TRIOBP: variants seen among roughly 807,000 people sequenced by gnomAD.
TRIOBP encodes TRIO and F-actin binding protein.
TRIOBP carries 169 observed loss-of-function variants against 238.8 expected under a neutral mutation model. The ratio of observed to expected loss-of-function variants is 0.71; its 90% CI spans 0.62 to 0.80. The LOEUF (loss-of-function observed/expected upper bound fraction) is 0.80. Among genes scored for constraint, TRIOBP ranks in the 30% least tolerant of loss-of-function variants. TRIOBP has a pLI of 0.00. For missense variants in TRIOBP, 2,838 were observed against 3,122.6 expected (o/e 0.91, Z 2.17); for synonymous variants, 1,150 against 1,274.4 (o/e 0.90, Z 2.08).
intron 11 of TRIOBP, among the ~76,000 whole-genome samples, chr22:37,742,442 T>C (rs556613001): frequency 6.6e-6 from 1 of 151,918 alleles, no homozygotes; most frequent in Non-Finnish European, 1.5e-5. Context: ...TTTATATTTT[T>C]AGTAGAGATG....
chr22:37,710,633 A>G (rs1222542710), intron 4 of TRIOBP, 67 bp downstream of exon 4: 2 of 1,546,656 alleles, frequency 1.3e-6, no homozygotes, highest in Admixed American at 1.9e-5. Flanking sequence ...TCCCATTTGC[A>G]CTCCTTCCCC....
Position 37,757,816 on chromosome 22 carries a change from G to A in TRIOBP, c.5891G>A (p.Arg1964His), listed in dbSNP as rs534138620. The A allele has an allele frequency of 3.3e-5, 51 of 1,548,188 alleles. No individual in the cohort carries two copies. The highest frequency in any genetic ancestry group is 3.9e-5 in the Non-Finnish European group (45 of 1,145,474). Residue 1964 changes from arginine to histidine, a missense_variant, in exon 16 of 24, where the codon CGC becomes CAC. Arg to His is a conservative substitution (Grantham distance 29). This residue lies in a region of TRIOBP where 2,096 missense variants were observed against 2,137.4 expected (regional missense o/e 0.98). Transcript: ENST00000644935. ...ASPQRARTPARTPDRLAKQEE... is the reference protein window; with the variant it reads ...ASPQRARTPAHTPDRLAKQEE... The stretch of plus-strand genomic sequence containing the variant: ...CCGCAGCGGGCCCGCACCCCAGCCC[G>A]CACTCCTGACCGCCTGGCCAAGCAG...
rs753851434 is a variant in TRIOBP at position 37,725,368 on chromosome 22, G to A, written c.2812G>A (p.Ala938Thr). 87 of 1,612,260 alleles carry A rather than the reference G, an allele frequency of 5.4e-5. No individual in the cohort carries two copies. In the East Asian group the frequency reaches 1.5e-3, roughly 27 times the overall value. Residue 938 changes from alanine (A) to threonine (T), a missense_variant, in exon 7 of 24, where the codon GCC becomes ACC. Physicochemically the swap from Ala to Thr is moderately conservative, Grantham distance 58. This residue lies in a region of TRIOBP where 2,096 missense variants were observed against 2,137.4 expected (regional missense o/e 0.98). Coordinates refer to ENST00000644935, the MANE Select transcript of TRIOBP (RefSeq NM_001039141.3). ...KQSEVPWASI[A>T]LRPTQGDRPQ... ...AAGCGAGGTTCCCTGGGCATCCATC[G>A]CCCTCCGGCCAACCCAAGGTGACAG...
rs771315446 is a variant in TRIOBP, at chr22:37,769,344, G to A, written c.6818G>A (p.Arg2273His). The part of the protein sequence containing the change: ...ASQGMGNGCG[R>H]SNERSSCELE... ...CAGGGCATGGGCAATGGCTGCGGGCGCAGCAACGAGCGGAGTTCCTGCGAG... is the reference window on the plus strand; with the variant it reads ...CAGGGCATGGGCAATGGCTGCGGGCACAGCAACGAGCGGAGTTCCTGCGAG... The change falls in exon 21 of 24, where the codon CGC becomes CAC. Residue 2273 changes from arginine (R) to histidine (H), a missense_variant. Transcript: ENST00000644935. The A allele has an allele frequency of 5.0e-6, 8 of 1,609,358 alleles. No individual in the cohort carries two copies. The highest frequency in any genetic ancestry group is 1.7e-5 in the Admixed American group (1 of 59,772).
chr22:37,735,388 G>T lies in TRIOBP; in HGVS notation c.5052G>T (p.Thr1684=), dbSNP rs41283241. 7.6e-3 allele frequency: 12,205 copies of T among 1,603,936 alleles called. 54 individuals carry two copies. Among genetic ancestry groups the T allele is most frequent in the Middle Eastern group, 0.013 (79 of 6,044 alleles). The change falls in exon 9 of 24, where the codon ACG becomes ACT. Residue 1684 remains threonine, a synonymous_variant. Transcript: ENST00000644935. Reference sequence around the variant, plus strand: ...CAACTCTGGCAGGCCTGGAGCAGACGGGCCCCCTGGGGAGCAGGAGCACTG... The same window carrying T: ...CAACTCTGGCAGGCCTGGAGCAGACTGGCCCCCTGGGGAGCAGGAGCACTG... ...ATATLAGLEQ[T]GPLGSRSTAK... is the part of the protein sequence containing the mutation.
chr22:37,761,167 G>A (rs1926226776), intron 17 of TRIOBP, among the ~76,000 whole-genome samples: 1 of 152,056 alleles, frequency 6.6e-6, no homozygotes. Flanking sequence ...TAGAAGCTCT[G>A]GCCTGGTACG....
chr22:37,705,460 G>T (rs970888641), intron 3 of TRIOBP, among the ~76,000 whole-genome samples: 3 of 152,088 alleles, frequency 2.0e-5, no homozygotes, highest in African/African-American at 7.2e-5. Flanking sequence ...AGGCAAGAGG[G>T]GGGCACAGAG....
chr22:37,701,687 G>A (rs557587809), intron 3 of TRIOBP, among the ~76,000 whole-genome samples: 4 of 152,298 alleles, frequency 2.6e-5, no homozygotes, highest in Admixed American at 2.0e-4. Flanking sequence ...TATATGATAC[G>A]ATTGTTACCA....
Position 37,771,731 on chromosome 22 carries a change from C to G in TRIOBP, c.6931C>G (p.Gln2311Glu), listed in dbSNP as rs372354104. ...CCTCCGGGACGAGCTCCAGATGATG[C>G]AGAAGGTAGGTCCTTCCGCTGGGCT... ...QCLRDELQMM[Q>E]KDKRFTSGKY... is the part of the protein sequence containing the mutation. The change falls in exon 22 of 24, where the codon CAG (glutamine) becomes GAG (glutamate). Residue 2311 changes from glutamine (Q) to glutamate (E), a missense_variant. Physicochemically the swap from Gln to Glu is conservative, Grantham distance 29. This residue lies in a region of TRIOBP where 2,096 missense variants were observed against 2,137.4 expected (regional missense o/e 0.98). Coordinates refer to ENST00000644935, the MANE Select transcript of TRIOBP (RefSeq NM_001039141.3). The G allele has an allele frequency of 4.3e-6, 7 of 1,613,970 alleles. No individual in the cohort carries two copies. The highest frequency in any genetic ancestry group is 5.9e-6 in the Non-Finnish European group (7 of 1,179,978).
intron 11 of TRIOBP, 85 bp from the exon 12 acceptor site, chr22:37,751,687 C>G: frequency 1.3e-6 from 2 of 1,493,394 alleles, no homozygotes; most frequent in Non-Finnish European, 1.9e-6. Flanking sequence ...GACTTGGGGA[C>G]AGGGTGGGTG....
chr22:37,761,852 G>T (rs777384532), intron 17 of TRIOBP, among the ~76,000 whole-genome samples: 5 of 152,014 alleles, frequency 3.3e-5, no homozygotes, highest in Non-Finnish European at 7.4e-5. Flanking sequence ...AGGAGCCAGT[G>T]TTGTGCCCTG....
At chr22:37,732,655 G>A (rs568708952) in intron 7 of TRIOBP, among the ~76,000 whole-genome samples, 10 of 152,218 alleles carry the variant, frequency 6.6e-5, no homozygotes, top group African/African-American at 2.4e-4. Context: ...AAGGCTAAGC[G>A]CTGGGATTCT....
Position 37,710,474 on chromosome 22 carries a change from T to C in TRIOBP, c.162T>C (p.Pro54=). 1 of 1,613,330 alleles carries C rather than the reference T, an allele frequency of 6.2e-7. No homozygotes were observed. The highest frequency in any genetic ancestry group is 8.5e-7 in the Non-Finnish European group (1 of 1,179,960). ...CTGAGGTGCCCTACTGCGACCTGCCTCGATGTCCACCTGCCCCTGAGGACC... is the reference window on the plus strand; with the variant it reads ...CTGAGGTGCCCTACTGCGACCTGCCCCGATGTCCACCTGCCCCTGAGGACC... ...SGAEVPYCDL[P]RCPPAPEDPL... The change falls in exon 4 of 24, where the codon CCT becomes CCC. Residue 54 remains proline, a synonymous_variant. Transcript: ENST00000644935.
chr22:37,706,159 G>A (rs1922935905), intron 3 of TRIOBP, among the ~76,000 whole-genome samples: 1 of 152,128 alleles, frequency 6.6e-6, no homozygotes, highest in African/African-American at 2.4e-5. Context: ...TTCAGGCAGG[G>A]TACTTGGGTT....
chr22:37,707,313 A>G (rs1165854449), intron 3 of TRIOBP, among the ~76,000 whole-genome samples: 1 of 152,048 alleles, frequency 6.6e-6, no homozygotes, highest in Non-Finnish European at 1.5e-5. Context: ...GCCCCAGAAG[A>G]TGGCAACTGC....
intron 3 of TRIOBP, among the ~76,000 whole-genome samples, chr22:37,709,759 C>A (rs1371959232): frequency 6.6e-6 from 1 of 152,206 alleles, no homozygotes; most frequent in Non-Finnish European, 1.5e-5. Flanking sequence ...TGTGGCCTTG[C>A]CAAAGGTGGA....
At chr22:37,752,650 CCCTACCCGCTG>C (rs1925681858) in intron 12 of TRIOBP, among the ~76,000 whole-genome samples, 1 of 152,224 alleles carries the variant, frequency 6.6e-6, no homozygotes, top group African/African-American at 2.4e-5. Flanking sequence ...CCACAGCCTT[CCCTACCCGCTG>C]CCTGCCCGCT....
Position 37,724,439 on chromosome 22 carries a change from G to T in TRIOBP, c.1883G>T (p.Cys628Phe), listed in dbSNP as rs761513655. 3 of 1,611,888 alleles carry T rather than the reference G, an allele frequency of 1.9e-6. No homozygotes were observed. Among genetic ancestry groups the T allele is most frequent in the Non-Finnish European group, 2.5e-6 (3 of 1,179,406 alleles). Residue 628 changes from cysteine to phenylalanine, a missense_variant, in exon 7 of 24, where the codon TGT becomes TTT. Coordinates refer to ENST00000644935, the MANE Select transcript of TRIOBP (RefSeq NM_001039141.3). ...ACACGAGATAACCCCAGAACATCCT[G>T]TGCCCAGCGGGACAATCCCAGAGCC... ...RATRDNPRTS[C>F]AQRDNPRASS...
chr22:37,730,785 A>G (rs1254295560), intron 7 of TRIOBP, among the ~76,000 whole-genome samples: 1 of 152,030 alleles, frequency 6.6e-6, no homozygotes, highest in East Asian at 1.9e-4. Context: ...CGTCTCTACT[A>G]AAAATATAAA....
Sources: allele counts gnomAD v4.1 joint callset (sites outside exome capture counted in the v4.1 genomes callset), GRCh38; gene constraint gnomAD v4.1.1; regional missense constraint gnomAD v4.1.1; transcripts MANE v1.5; gene names NCBI Gene and HGNC (gene_info 2026-07-23, HGNC 2026-07-21).